Variants in KANSL1L observed in about 807,000 individuals in gnomAD.
The protein encoded by KANSL1L is KAT8 regulatory NSL complex subunit 1 like, also known as KAT8 regulatory NSL complex subunit 1-like protein.
Under a neutral mutation model 108.6 loss-of-function variants are expected in KANSL1L, and 25 were observed. That is an observed-to-expected ratio of 0.23 (90% CI 0.17 to 0.32). The LOEUF is 0.32. Among genes scored for constraint, KANSL1L ranks in the 10% least tolerant of loss-of-function variants. KANSL1L has a pLI of 1.00. For missense variants in KANSL1L, 1,137 were observed against 1,125.7 expected (o/e 1.01, Z -0.14); for synonymous variants, 405 against 395.1 (o/e 1.03, Z -0.30).
intron 1 of KANSL1L, among the ~76,000 whole-genome samples, chr2:210,169,581 C>A (rs1328967333): frequency 6.6e-6 from 1 of 152,046 alleles, no homozygotes; most frequent in African/African-American, 2.4e-5. Flanking sequence ...CATCATGAAA[C>A]AAAATTAAAA....
intron 8 of KANSL1L, among the ~76,000 whole-genome samples, chr2:210,038,586 T>C (rs1452405972): frequency 6.6e-6 from 1 of 152,062 alleles, no homozygotes; most frequent in Admixed American, 6.5e-5. Context: ...CTTTTTCTTG[T>C]TATTCTTTTA....
intron 5 of KANSL1L, chr2:210,096,965 A>C (rs1169097396): frequency 4.1e-6 from 1 of 241,224 alleles, no homozygotes; most frequent in African/African-American, 2.3e-5. Flanking sequence ...TTTTTTGGAG[A>C]CAGAGTCTTG....
chr2:210,102,569 T>C (rs2125425606), intron 4 of KANSL1L, among the ~76,000 whole-genome samples: 1 of 152,172 alleles, frequency 6.6e-6, no homozygotes, highest in South Asian at 2.1e-4. Flanking sequence ...TCTACCTATC[T>C]GACAAAGGGC....
At chr2:210,171,527 G>C (rs145091543), upstream of KANSL1L, 2 of 153,296 alleles carry the variant, frequency 1.3e-5, no homozygotes, top group Non-Finnish European at 2.9e-5. Flanking sequence ...GAAGCGGCTC[G>C]GAGTGTTCTG....
intron 1 of KANSL1L, among the ~76,000 whole-genome samples, chr2:210,170,869 T>G (rs1575662200): frequency 9.6e-6 from 1 of 104,218 alleles, no homozygotes; most frequent in African/African-American, 3.8e-5. Flanking sequence ...GGCGTCCAGG[T>G]CCGCCCCCAC....
At chr2:210,141,108 CCT>C in intron 2 of KANSL1L, among the ~76,000 whole-genome samples, 1 of 151,904 alleles carries the variant, frequency 6.6e-6, no homozygotes, top group Admixed American at 6.6e-5. Context: ...TCTTTTCTTT[CCT>C]CTCTTCCCCT....
rs1688317157 is a variant in KANSL1L, at chr2:210,171,223, C to T, written c.-104G>A. 2 of 157,736 alleles carry T rather than the reference C, an allele frequency of 1.3e-5. No individual in the cohort carries two copies. Among genetic ancestry groups the T allele is most frequent in the Non-Finnish European group, 2.8e-5 (2 of 71,880 alleles). 9.8% of individuals were successfully genotyped at this position (157,736 alleles called of 1,614,324 possible). A position where few individuals can be genotyped will look rare whatever the true frequency, so the allele number is the denominator to read the frequency against. On this transcript the variant is annotated 5_prime_UTR_variant, in exon 1 of 15. Transcript: ENST00000281772. ...GTGGTGGGGGCTGCTGAGGTGATCT[C>T]TAGCTGCCCGCCCGCCTCCCCCACC...
chr2:210,040,658 A>G, intron 7 of KANSL1L, 131 bp from the exon 8 acceptor site: 1 of 487,224 alleles, frequency 2.1e-6, no homozygotes, highest in East Asian at 3.2e-5. Context: ...CAAAAGTTTG[A>G]GATGTAACAA....
chr2:210,092,455 CTTAGT>C (rs1183487275), intron 5 of KANSL1L, among the ~76,000 whole-genome samples: 1 of 152,184 alleles, frequency 6.6e-6, no homozygotes, highest in Non-Finnish European at 1.5e-5. Flanking sequence ...AAACCACTTA[CTTAGT>C]TATTATATTC....
At chr2:210,144,078 C>T (rs894780572) in intron 2 of KANSL1L, among the ~76,000 whole-genome samples, 1 of 152,080 alleles carries the variant, frequency 6.6e-6, no homozygotes, top group African/African-American at 2.4e-5. Context: ...TTCTGAAGGA[C>T]AGTTTTGCTG....
chr2:210,107,480 GGAT>G (rs1163578367), intron 3 of KANSL1L, among the ~76,000 whole-genome samples: 4 of 149,364 alleles, frequency 2.7e-5, no homozygotes, highest in Non-Finnish European at 5.9e-5. Flanking sequence ...AACCACCAAA[GGAT>G]GTTGCTAATA....
At chr2:210,140,232 G>C (rs771647090) in intron 2 of KANSL1L, among the ~76,000 whole-genome samples, 3 of 152,116 alleles carry the variant, frequency 2.0e-5, no homozygotes, top group Non-Finnish European at 2.9e-5. Flanking sequence ...GTGCTTTGGA[G>C]TGCATATCCA....
rs745766970 is a variant in KANSL1L at position 210,154,224 on chromosome 2, T to G, written c.359A>C (p.Gln120Pro). ...KNILYNGSNI[Q>P]LSKICLSHSE... ...ATGAGAAAGACAGATTTTACTGAGCTGAATGTTGCTGCCATTATACAGTAT... is the reference window on the plus strand; with the variant it reads ...ATGAGAAAGACAGATTTTACTGAGCGGAATGTTGCTGCCATTATACAGTAT... The change falls in exon 2 of 15, where the codon CAG becomes CCG. Residue 120 changes from glutamine to proline, a missense_variant. Transcript: ENST00000281772. 3 of 1,614,014 alleles carry G rather than the reference T, an allele frequency of 1.9e-6. No homozygotes were observed. The highest frequency in any genetic ancestry group is 2.5e-6 in the Non-Finnish European group (3 of 1,180,016).
chr2:210,027,046 C>T (rs898577927), intron 12 of KANSL1L, among the ~76,000 whole-genome samples: 2 of 152,194 alleles, frequency 1.3e-5, no homozygotes, highest in African/African-American at 2.4e-5. Flanking sequence ...GCTGGGATTA[C>T]AGGCATTAGC....
chr2:210,142,702 CTTTAAA>C (rs1304586160), intron 2 of KANSL1L, among the ~76,000 whole-genome samples: 4 of 152,066 alleles, frequency 2.6e-5, no homozygotes, highest in Admixed American at 6.6e-5. Flanking sequence ...TAAAATTTCT[CTTTAAA>C]TTTAGTCATT....
intron 2 of KANSL1L, among the ~76,000 whole-genome samples, chr2:210,130,002 A>AC (rs2095106062): frequency 6.6e-6 from 1 of 151,832 alleles, no homozygotes; most frequent in Non-Finnish European, 1.5e-5. Flanking sequence ...AAAAAAAAAA[A>AC]AAACTGACAG....
At chr2:210,037,863 A>G (rs1449133379) in intron 8 of KANSL1L, among the ~76,000 whole-genome samples, 1 of 152,178 alleles carries the variant, frequency 6.6e-6, no homozygotes, top group Non-Finnish European at 1.5e-5. Flanking sequence ...TCCATGTTCA[A>G]ATTTCTCTGT....
At chr2:210,072,659 G>A (rs571306519) in intron 6 of KANSL1L, among the ~76,000 whole-genome samples, 1 of 141,098 alleles carries the variant, frequency 7.1e-6, no homozygotes, top group East Asian at 2.3e-4. Context: ...TTGAGTTCCC[G>A]TGAGTTCCCG....
intron 3 of KANSL1L, among the ~76,000 whole-genome samples, chr2:210,106,120 T>C (rs546557485): frequency 6.6e-6 from 1 of 152,304 alleles, no homozygotes; most frequent in Admixed American, 6.5e-5. Flanking sequence ...GTGAGAAGAA[T>C]CTGTTGTCTT....
Sources: allele counts gnomAD v4.1 joint callset (sites outside exome capture counted in the v4.1 genomes callset), GRCh38; gene constraint gnomAD v4.1.1; transcripts MANE v1.5; gene names NCBI Gene and HGNC (gene_info 2026-07-23, HGNC 2026-07-21).